Variants in FBXL17 observed in about 807,000 individuals in gnomAD.
FBXL17 encodes the protein F-box/LRR-repeat protein 17.
In FBXL17, 22 loss-of-function variants were observed where a neutral mutation model predicts 66.2. That is an observed-to-expected ratio of 0.33 (90% confidence interval 0.24 to 0.47). FBXL17 has a LOEUF of 0.47. FBXL17 is among the 20% of genes least tolerant of loss of function. FBXL17 has a pLI of 1.00. For missense variants in FBXL17, 878 were observed against 948.2 expected (o/e 0.93, Z 0.97); for synonymous variants, 474 against 400.5 (o/e 1.18, Z -2.19).
At chr5:107,885,931 T>C (rs537714399) in intron 7 of FBXL17, among the ~76,000 whole-genome samples, 15 of 135,970 alleles carry the variant, frequency 1.1e-4, no homozygotes, top group African/African-American at 3.7e-4. Context: ...ATAATAATGC[T>C]TTACACACTT....
chr5:108,031,078 A>T (rs1234377159), intron 6 of FBXL17, among the ~76,000 whole-genome samples: 1 of 152,112 alleles, frequency 6.6e-6, no homozygotes, highest in East Asian at 1.9e-4. Flanking sequence ...ACTCTGAAAA[A>T]GGTGACAAAT....
intron 6 of FBXL17, among the ~76,000 whole-genome samples, chr5:108,048,806 C>T (rs567920480): frequency 5.5e-4 from 84 of 152,092 alleles, no homozygotes; most frequent in African/African-American, 1.7e-3. Flanking sequence ...TATGGGACTA[C>T]GTAAAAAGGC....
chr5:108,002,383 T>C (rs1753767226), intron 7 of FBXL17, among the ~76,000 whole-genome samples: 1 of 152,034 alleles, frequency 6.6e-6, no homozygotes, highest in East Asian at 1.9e-4. Context: ...ACTCTTGTGC[T>C]CCAGACTTGC....
At chr5:108,113,723 C>T (rs373795736) in intron 6 of FBXL17, among the ~76,000 whole-genome samples, 2 of 151,978 alleles carry the variant, frequency 1.3e-5, no homozygotes, top group East Asian at 3.9e-4. Flanking sequence ...TGGTAAAATA[C>T]CTAAATTTAG....
At chr5:108,141,385 C>T (rs995046272) in intron 6 of FBXL17, among the ~76,000 whole-genome samples, 2 of 148,834 alleles carry the variant, frequency 1.3e-5, no homozygotes, top group Non-Finnish European at 3.0e-5. Flanking sequence ...CTATTGACTA[C>T]AGACCTTTCC....
At chr5:107,967,205 A>G (rs1477257090) in intron 7 of FBXL17, among the ~76,000 whole-genome samples, 1 of 151,926 alleles carries the variant, frequency 6.6e-6, no homozygotes, top group African/African-American at 2.4e-5. Flanking sequence ...TGTGTATACC[A>G]AGGAGATTGA....
rs373838508 is a variant in FBXL17 at position 108,146,046 on chromosome 5, GTCTCTACTAAAAA to G, written c.1745+40058_1745+40070del. Among the ~76,000 whole-genome samples the G allele has an allele frequency of 4.2e-3, 645 of 151,872 alleles. 3 individuals carry two copies. The highest frequency in any genetic ancestry group is 0.015 in the African/African-American group (616 of 41,464). The stretch of plus-strand genomic sequence containing the variant: ...ATCCTGGCTAACACAGTGAAATCCT[GTCTCTACTAAAAA>G]TCTCTACTAAAAATACAAAAAAATT... On this transcript the variant is annotated intron_variant, in intron 6 of 8. Transcript: ENST00000542267.
intron 7 of FBXL17, among the ~76,000 whole-genome samples, chr5:107,927,928 C>T (rs1750586437): frequency 6.6e-6 from 1 of 152,064 alleles, no homozygotes; most frequent in Non-Finnish European, 1.5e-5. Context: ...CTGACCTCCT[C>T]TGGCATTTAG....
intron 4 of FBXL17, among the ~76,000 whole-genome samples, chr5:108,328,988 A>G (rs568049571): frequency 6.6e-6 from 1 of 152,226 alleles, no homozygotes; most frequent in Non-Finnish European, 1.5e-5. Context: ...TAAGAGACAG[A>G]GGTAATTATC....
Position 108,381,239 on chromosome 5 carries a change from G to C in FBXL17, c.453C>G (p.Ala151=). ...AGAGACTTCGGCCCTGCTGCTCCCAGGCGGCGGCCGCAGCCAGCCCCAACT... is the reference window on the plus strand; with the variant it reads ...AGAGACTTCGGCCCTGCTGCTCCCACGCGGCGGCCGCAGCCAGCCCCAACT... ...CKELGLAAAA[A]WEQQGRSLFL... Residue 151 remains alanine, a synonymous_variant, in exon 1 of 9, where the codon GCC becomes GCG. Transcript: ENST00000542267. 6.9e-7 allele frequency: 1 copy of C among 1,444,994 alleles called. No homozygotes were observed. Among genetic ancestry groups the C allele is most frequent in the Non-Finnish European group, 9.1e-7 (1 of 1,101,258 alleles). The allele number at this position is 1,444,994 out of a possible 1,614,324, so 89.5% of individuals were successfully genotyped here.
At chr5:108,076,102 G>A (rs1295097894) in intron 6 of FBXL17, among the ~76,000 whole-genome samples, 1 of 152,186 alleles carries the variant, frequency 6.6e-6, no homozygotes, top group Non-Finnish European at 1.5e-5. Flanking sequence ...AGTGAGACAG[G>A]TTTATACTAT....
intron 6 of FBXL17, among the ~76,000 whole-genome samples, chr5:108,144,468 A>C: frequency 6.6e-6 from 1 of 152,314 alleles, no homozygotes; most frequent in Non-Finnish European, 1.5e-5. Flanking sequence ...AAAATCTGAT[A>C]TAAAAACAAA....
chr5:108,324,623 A>G (rs919253514), intron 4 of FBXL17, among the ~76,000 whole-genome samples: 9 of 152,072 alleles, frequency 5.9e-5, no homozygotes, highest in African/African-American at 1.7e-4. Context: ...GGTCTCAAAG[A>G]CATTTTTGTA....
intron 4 of FBXL17, among the ~76,000 whole-genome samples, chr5:108,256,724 A>G (rs1398634634): frequency 2.6e-5 from 4 of 152,086 alleles, no homozygotes; most frequent in Admixed American, 6.6e-5. Flanking sequence ...GTCTTTACTT[A>G]GTTATGACTA....
At chr5:108,341,193 C>T (rs2112431596) in intron 4 of FBXL17, among the ~76,000 whole-genome samples, 1 of 152,134 alleles carries the variant, frequency 6.6e-6, no homozygotes, top group East Asian at 1.9e-4. Context: ...CCCATTATGG[C>T]TAGATCTCAA....
At chr5:107,884,556 T>C (rs1748898334) in intron 7 of FBXL17, among the ~76,000 whole-genome samples, 1 of 152,208 alleles carries the variant, frequency 6.6e-6, no homozygotes, top group African/African-American at 2.4e-5. Flanking sequence ...TGAGGGAACC[T>C]TTTGATTCCA....
chr5:107,896,903 A>T (rs1749404706), intron 7 of FBXL17, among the ~76,000 whole-genome samples: 1 of 152,062 alleles, frequency 6.6e-6, no homozygotes, highest in Admixed American at 6.6e-5. Context: ...TTGAAAATAT[A>T]GCTTTTATGT....
chr5:107,905,314 TTC>T (rs1395093744), intron 7 of FBXL17, among the ~76,000 whole-genome samples: 3 of 152,156 alleles, frequency 2.0e-5, no homozygotes, highest in East Asian at 1.9e-4. Flanking sequence ...CTTAAACATT[TTC>T]TGTTTATAAA....
intron 5 of FBXL17, among the ~76,000 whole-genome samples, chr5:108,191,648 A>T (rs1226637564): frequency 6.6e-6 from 1 of 152,194 alleles, no homozygotes; most frequent in Non-Finnish European, 1.5e-5. Context: ...AAATCCAAAA[A>T]TATCTAAAAT....
Sources: gnomAD v4.1 joint callset for allele counts (sites outside exome capture counted in the v4.1 genomes callset) on GRCh38, gnomAD v4.1.1 for gene constraint, MANE v1.5 for transcripts, NCBI Gene and HGNC (gene_info 2026-07-23, HGNC 2026-07-21) for gene names.